Variants in SORCS1 observed in about 807,000 individuals in gnomAD.
SORCS1 encodes VPS10 domain-containing receptor SorCS1.
Under a neutral mutation model 146.1 loss-of-function variants are expected in SORCS1, and 60 were observed. The ratio of observed to expected loss-of-function variants is 0.41; its 90% confidence interval spans 0.33 to 0.51. The LOEUF (loss-of-function observed/expected upper bound fraction) is 0.51, where lower values mean the gene tolerates loss of function less well. Among genes scored for constraint, SORCS1 ranks in the 20% least tolerant of loss-of-function variants. The pLI is 0.21. For missense variants in SORCS1, 1,352 were observed against 1,487.6 expected, an observed-to-expected ratio of 0.91 and a Z score of 1.50; for synonymous variants, 637 against 584.0, an observed-to-expected ratio of 1.09 and a Z score of -1.31.
chr10:106,591,715 G>T (rs1278647433), intron 24 of SORCS1, among the ~76,000 whole-genome samples: 1 of 152,264 alleles, frequency 6.6e-6, no homozygotes, highest in Non-Finnish European at 1.5e-5. Flanking sequence ...AAAGGTGATG[G>T]TCATGATCAT....
At chr10:106,604,476 T>G (rs535101562) in intron 23 of SORCS1, among the ~76,000 whole-genome samples, 11 of 152,298 alleles carry the variant, frequency 7.2e-5, no homozygotes, top group African/African-American at 2.6e-4. Flanking sequence ...TAATTTCTGA[T>G]GTGCTCTGTT....
Position 106,620,505 on chromosome 10 carries a change from C to T in SORCS1, c.2719G>A (p.Val907Ile), listed in dbSNP as rs150858505. The T allele has an allele frequency of 5.3e-5, 86 of 1,614,136 alleles. No homozygotes were observed. The African/African-American group carries it at 9.7e-4, about 18-fold the overall frequency. The change falls in exon 20 of 26, where the codon GTC (valine) becomes ATC (isoleucine). Residue 907 changes from valine (V) to isoleucine (I), a missense_variant. Val to Ile is a conservative substitution (Grantham distance 29, BLOSUM62 3). This residue lies in a region of SORCS1 where 648 missense variants were observed against 793.8 expected (regional missense o/e 0.82). Coordinates refer to ENST00000263054, the MANE Select transcript of SORCS1 (RefSeq NM_052918.5). ...GGCCACAGCACTGCCGTCGCATTGA[C>T]CTCTTTGTTCTTTGTGGTGACAAAG... ...LPFVTTKNKE[V>I]NATAVLWPSQ...
chr10:107,164,416 G>T lies in SORCS1; in HGVS notation c.111C>A (p.Cys37Ter). 7.1e-7 allele frequency: 1 copy of T among 1,413,418 alleles called. No homozygotes were observed. The highest frequency in any genetic ancestry group is 9.2e-7 in the Non-Finnish European group (1 of 1,089,184). The allele number at this position is 1,413,418 out of a possible 1,614,324, so 87.6% of individuals were successfully genotyped here. ...CGGAGCTGGGGTGCGGCGAGGGGCA[G>T]CAGGAGCCGCCGCCGCAGACGCCCG... ...CAPGVCGGGS[C>*]CPSPHPSSAP... Residue 37 changes from cysteine to a stop codon, truncating the protein, a stop_gained, in exon 1 of 26, where the codon TGC becomes TGA. Transcript: ENST00000263054. LOFTEE classifies it high-confidence loss of function. This position sits in a 1 kb window ranked among gnomAD's most constrained non-coding sequence, Gnocchi z 6.8.
At chr10:106,655,948 T>C (rs1439060417) in intron 17 of SORCS1, among the ~76,000 whole-genome samples, 1 of 152,210 alleles carries the variant, frequency 6.6e-6, no homozygotes, top group African/African-American at 2.4e-5. Flanking sequence ...CAACTTATGA[T>C]TATGTTGGAC....
At chr10:107,098,284 AGT>A in intron 1 of SORCS1, among the ~76,000 whole-genome samples, 1 of 152,282 alleles carries the variant, frequency 6.6e-6, no homozygotes, top group African/African-American at 2.4e-5. Context: ...TTAGCTCCTG[AGT>A]CTCACACCTG....
chr10:107,142,964 T>C (rs1272358465), intron 1 of SORCS1, among the ~76,000 whole-genome samples: 2 of 152,196 alleles, frequency 1.3e-5, no homozygotes, highest in Non-Finnish European at 2.9e-5. Context: ...GTCACATATG[T>C]TATACCTCCA....
At chr10:107,125,720 A>G (rs956427522) in intron 1 of SORCS1, among the ~76,000 whole-genome samples, 6 of 152,208 alleles carry the variant, frequency 3.9e-5, no homozygotes, top group African/African-American at 1.4e-4. Context: ...AGTACCACCA[A>G]CACCTGGTGG....
chr10:106,671,466 T>A, intron 15 of SORCS1, 99 bp from the exon 16 acceptor site: 1 of 1,516,860 alleles, frequency 6.6e-7, no homozygotes, highest in Non-Finnish European at 8.9e-7. Flanking sequence ...CATCTTAGTG[T>A]AATGTAAACT....
intron 1 of SORCS1, among the ~76,000 whole-genome samples, chr10:107,002,393 C>G (rs1957258157): frequency 6.6e-6 from 1 of 152,120 alleles, no homozygotes; most frequent in South Asian, 2.1e-4. Flanking sequence ...GACCAGGAGC[C>G]TGGGAAAGCT....
At chr10:106,871,201 C>T (rs531090490) in intron 2 of SORCS1, among the ~76,000 whole-genome samples, 1 of 152,286 alleles carries the variant, frequency 6.6e-6, no homozygotes, top group East Asian at 1.9e-4. Context: ...CAACAAATAA[C>T]AGATGCTGGC....
intron 22 of SORCS1, 75 bp from the exon 23 acceptor site, chr10:106,607,372 G>A: frequency 1.3e-6 from 2 of 1,571,936 alleles, no homozygotes; most frequent in Non-Finnish European, 1.7e-6. Context: ...ATTTGGTGGG[G>A]GGATCAGGGG....
chr10:107,067,612 T>C (rs1962001591), intron 1 of SORCS1, among the ~76,000 whole-genome samples: 1 of 152,244 alleles, frequency 6.6e-6, no homozygotes, highest in Non-Finnish European at 1.5e-5. Flanking sequence ...TAGAAACTGC[T>C]ACTTTCATGA....
intron 1 of SORCS1, among the ~76,000 whole-genome samples, chr10:107,007,552 C>A (rs1957509359): frequency 6.6e-6 from 1 of 152,196 alleles, no homozygotes; most frequent in Non-Finnish European, 1.5e-5. Flanking sequence ...CTAGTTCACG[C>A]CTCATACAAC....
chr10:107,164,112 C>G lies in SORCS1; in HGVS notation c.415G>C (p.Glu139Gln). ...RGVLRDGGQQ[E>Q]PGTRERDPDK... ...GGGTCCCGCTCCCGAGTCCCAGGCT[C>G]CTGCTGCCCTCCATCTCTTAGCACT... Residue 139 changes from glutamate to glutamine, a missense_variant, in exon 1 of 26, where the codon GAG becomes CAG. Physicochemically the swap from Glu to Gln is conservative, Grantham distance 29. This residue lies in a region of SORCS1 where 490 missense variants were observed against 489.1 expected (regional missense o/e 1.00). Transcript: ENST00000263054. This position sits in a 1 kb window ranked among gnomAD's most constrained non-coding sequence, Gnocchi z 6.8. 2.5e-6 allele frequency: 4 copies of G among 1,613,896 alleles called. No individual in the cohort carries two copies. The highest frequency in any genetic ancestry group is 3.4e-6 in the Non-Finnish European group (4 of 1,180,026).
At chr10:106,673,889 A>G (rs1851800051) in intron 14 of SORCS1, among the ~76,000 whole-genome samples, 1 of 152,208 alleles carries the variant, frequency 6.6e-6, no homozygotes, top group Non-Finnish European at 1.5e-5. Context: ...GTTTTTTAAA[A>G]TCTGTTTTGA....
chr10:106,629,451 T>C (rs997959021), intron 18 of SORCS1, 63 bp from the exon 19 acceptor site: 3 of 1,555,928 alleles, frequency 1.9e-6, no homozygotes, highest in African/African-American at 2.7e-5. Context: ...CCTAGGGGAC[T>C]GGGGACTACG....
At chr10:106,641,295 AAAGAATCC>A (rs1300769326) in intron 18 of SORCS1, among the ~76,000 whole-genome samples, 1 of 152,172 alleles carries the variant, frequency 6.6e-6, no homozygotes, top group Non-Finnish European at 1.5e-5. Context: ...TATTTGCAGG[AAAGAATCC>A]CATTTCTTGC....
At position 106,633,156 on chromosome 10, in the gene SORCS1, G is replaced by C. The variant is rs150829400; in HGVS notation, c.2476-3768C>G. Among the ~76,000 whole-genome samples, 349 of 152,176 alleles carry C rather than the reference G, an allele frequency of 2.3e-3. 3 individuals are homozygous for C. The highest frequency in any genetic ancestry group is 8.1e-3 in the African/African-American group (335 of 41,518). ...AAGAGCAATGAGAAGCCATTAAAGT[G>C]TTTTACTTTTTAAATGTTTTTAAAA... is the stretch of plus-strand genomic sequence containing the variant. On this transcript the variant is annotated intron_variant, in intron 18 of 25. Coordinates refer to ENST00000263054, the MANE Select transcript of SORCS1 (RefSeq NM_052918.5).
intron 1 of SORCS1, among the ~76,000 whole-genome samples, chr10:107,000,423 C>A (rs1957170198): frequency 6.6e-6 from 1 of 151,556 alleles, no homozygotes; most frequent in Admixed American, 6.6e-5. Context: ...CATGGTGAAA[C>A]CCCGTCTCTA....
Sources: allele counts gnomAD v4.1 joint callset (sites outside exome capture counted in the v4.1 genomes callset), GRCh38; gene constraint gnomAD v4.1.1; regional missense constraint gnomAD v4.1.1; non-coding constraint Gnocchi (gnomAD v3.1); transcripts MANE v1.5; gene names NCBI Gene and HGNC (gene_info 2026-07-23, HGNC 2026-07-21).